The following CAP2 variants were observed in gnomAD, a reference collection of about 807,000 sequenced individuals.
CAP2 encodes the protein cyclase associated actin cytoskeleton regulatory protein 2, also known as adenylyl cyclase-associated protein 2.
A neutral mutation model predicts 57.7 loss-of-function variants in CAP2; 24 were observed. The ratio of observed to expected loss-of-function variants is 0.42; its 90% CI spans 0.30 to 0.58. The LOEUF (loss-of-function observed/expected upper bound fraction) is 0.58, where lower values mean the gene tolerates loss of function less well. CAP2 is among the 20% of genes least tolerant of loss of function. The pLI, the probability that CAP2 is intolerant of heterozygous loss-of-function variation, is 0.22. For missense variants in CAP2, 501 were observed against 590.3 expected (o/e 0.85, Z 1.57); for synonymous variants, 194 against 207.2 (o/e 0.94, Z 0.55).
chr6:17,399,753 C>A (rs942639945), intron 1 of CAP2, among the ~76,000 whole-genome samples: 7 of 152,168 alleles, frequency 4.6e-5, no homozygotes, highest in Admixed American at 2.6e-4. Flanking sequence ...AATGTAAAGG[C>A]CATTCTGCAA....
At chr6:17,481,705 A>T (rs1179930830) in intron 4 of CAP2, among the ~76,000 whole-genome samples, 3 of 152,174 alleles carry the variant, frequency 2.0e-5, no homozygotes, top group African/African-American at 7.2e-5. Flanking sequence ...CATATTTTTA[A>T]TTGGTCAATT....
rs138551557 is a variant in CAP2 at position 17,418,756 on chromosome 6, G to A, written c.-1-2799G>A. Among the ~76,000 whole-genome samples the A allele has an allele frequency of 3.0e-3, 462 of 152,250 alleles. 2 individuals carry two copies. Among genetic ancestry groups the A allele is most frequent in the African/African-American group, 0.01 (429 of 41,528 alleles). ...GAACATAGATAACTGTGAACAGATGGGCAACTATTAAAAGATTTGAGGGGC... is the reference window on the plus strand; with the variant it reads ...GAACATAGATAACTGTGAACAGATGAGCAACTATTAAAAGATTTGAGGGGC... On this transcript the variant is annotated intron_variant, in intron 1 of 12. Coordinates refer to ENST00000229922, the MANE Select transcript of CAP2 (RefSeq NM_006366.3).
rs577305733 is a variant in CAP2 at position 17,396,742 on chromosome 6, A to G, written c.-2+2996A>G. 5.1e-4 allele frequency among the ~76,000 whole-genome samples: 77 copies of G among 152,338 alleles called. No homozygotes were observed. The Middle Eastern group carries it at 0.017, about 34-fold the overall frequency. On this transcript the variant is annotated intron_variant, in intron 1 of 12. Coordinates refer to ENST00000229922, the MANE Select transcript of CAP2 (RefSeq NM_006366.3). ...ATATCCTCTAATCGACTATAGTGAT[A>G]GTCGCACGTATCTGTGAATATACTA...
At chr6:17,531,742 C>T (rs545270202) in intron 7 of CAP2, 2 of 600,284 alleles carry the variant, frequency 3.3e-6, no homozygotes, top group South Asian at 2.1e-5. Context: ...CGTCTATATA[C>T]ATTCCCCCCA....
chr6:17,510,040 A>G (rs1762105541), intron 6 of CAP2, among the ~76,000 whole-genome samples: 3 of 152,348 alleles, frequency 2.0e-5, no homozygotes, highest in Middle Eastern at 6.8e-3. Context: ...TCAAATCTAT[A>G]GAAAGAGAAA....
chr6:17,433,757 C>T (rs745703525), intron 3 of CAP2, among the ~76,000 whole-genome samples: 11 of 152,202 alleles, frequency 7.2e-5, no homozygotes, highest in African/African-American at 1.2e-4. Flanking sequence ...TTATTCTCAG[C>T]GTAGAACACA....
At chr6:17,442,442 G>A (rs1432842511) in intron 3 of CAP2, among the ~76,000 whole-genome samples, 1 of 152,160 alleles carries the variant, frequency 6.6e-6, no homozygotes. Flanking sequence ...GAATTTGTGA[G>A]CATGCCCAGG....
chr6:17,453,044 A>C lies in CAP2; in HGVS notation c.223-9952A>C, dbSNP rs914234017. ...TTTCTCCATCAACTACTTATAAATC[A>C]ACATTGGTTGGGTTTAACTTTTAAT... is the stretch of plus-strand genomic sequence containing the variant. On this transcript the variant is annotated intron_variant, in intron 3 of 12. Coordinates refer to ENST00000229922, the MANE Select transcript of CAP2 (RefSeq NM_006366.3). Among the ~76,000 whole-genome samples the C allele has an allele frequency of 2.6e-5, 4 of 152,360 alleles. No individual in the cohort carries two copies. In the South Asian group the frequency reaches 8.3e-4, roughly 32 times the overall value.
intron 4 of CAP2, among the ~76,000 whole-genome samples, chr6:17,475,256 C>T (rs1761124173): frequency 6.6e-6 from 1 of 151,006 alleles, no homozygotes; most frequent in Non-Finnish European, 1.5e-5. Flanking sequence ...GGGAAGGGAA[C>T]TGAGTGAAGG....
intron 4 of CAP2, among the ~76,000 whole-genome samples, chr6:17,484,169 G>A (rs1330330100): frequency 1.3e-5 from 2 of 151,942 alleles, no homozygotes; most frequent in African/African-American, 2.4e-5. Context: ...TTGGCAGACC[G>A]AAATCAAAGA....
At chr6:17,411,225 T>C (rs1419550232) in intron 1 of CAP2, among the ~76,000 whole-genome samples, 1 of 152,224 alleles carries the variant, frequency 6.6e-6, no homozygotes, top group Non-Finnish European at 1.5e-5. Flanking sequence ...TTGTTTCCAT[T>C]TTTTGGCTAT....
intron 12 of CAP2, among the ~76,000 whole-genome samples, chr6:17,552,836 GC>G (rs1392162309): frequency 6.6e-6 from 1 of 152,138 alleles, no homozygotes; most frequent in Non-Finnish European, 1.5e-5. Context: ...CGGTGTGACT[GC>G]TGCCACATTC....
intron 4 of CAP2, among the ~76,000 whole-genome samples, chr6:17,498,622 T>C (rs9477458): frequency 0.49 from 74,187 of 152,066 alleles, 18,767 homozygotes; most frequent in Admixed American, 0.56. Flanking sequence ...ATGATGATCC[T>C]GGGCCCCCAT....
At chr6:17,501,217 C>T (rs894242780) in intron 4 of CAP2, among the ~76,000 whole-genome samples, 5 of 152,090 alleles carry the variant, frequency 3.3e-5, no homozygotes, top group African/African-American at 7.2e-5. Context: ...TGGTTTGAAT[C>T]GCCATTACTT....
At position 17,463,062 on chromosome 6, in the gene CAP2, C is replaced by G. The variant is rs755630870; in HGVS notation, c.289C>G (p.Gln97Glu). ...AFLLMASQYQ[Q>E]PHENDVAALL... The stretch of plus-strand genomic sequence containing the variant: ...CCTTCTGATGGCCTCTCAGTACCAA[C>G]AACCCCACGAGGTAAGAGAGTGTCC... The change falls in exon 4 of 13, where the codon CAA (glutamine) becomes GAA (glutamate). Residue 97 changes from glutamine to glutamate, a missense_variant. Gln to Glu is a conservative substitution (Grantham distance 29, BLOSUM62 2). Transcript: ENST00000229922. 6.2e-7 allele frequency: 1 copy of G among 1,612,796 alleles called. No homozygotes were observed.
At chr6:17,406,413 T>TTTTTTTTTTTTTTTTTTTTTTTTTTG (rs1156614515) in intron 1 of CAP2, among the ~76,000 whole-genome samples, 5 of 144,342 alleles carry the variant, frequency 3.5e-5, no homozygotes, top group African/African-American at 1.4e-4. Flanking sequence ...TTTTTTTTTT[T>TTTTTTTTTTTTTTTTTTTTTTTTTTG]GAGGCAGTCT....
rs201421784 is a variant in CAP2, at chr6:17,421,654, G to A, written c.99G>A (p.Gly33=). ...AESHRPPGNC[G]EVNGVIAGVA... ...CCCACAGGCCCCCTGGGAACTGCGG[G>A]GAAGTCAATGGTGTCATTGCAGGTA... The change falls in exon 2 of 13, where the codon GGG becomes GGA. Residue 33 remains glycine, a synonymous_variant. Coordinates refer to ENST00000229922, the MANE Select transcript of CAP2 (RefSeq NM_006366.3). 17 of 1,614,200 alleles carry A rather than the reference G, an allele frequency of 1.1e-5. No homozygotes were observed. The East Asian group carries it at 3.6e-4, about 34-fold the overall frequency.
At chr6:17,483,301 C>T (rs1311709836) in intron 4 of CAP2, among the ~76,000 whole-genome samples, 1 of 152,198 alleles carries the variant, frequency 6.6e-6, no homozygotes, top group African/African-American at 2.4e-5. Context: ...GTGCAGGGTA[C>T]ATAGATAGCA....
At chr6:17,447,051 C>A (rs1760276577) in intron 3 of CAP2, among the ~76,000 whole-genome samples, 1 of 152,100 alleles carries the variant, frequency 6.6e-6, no homozygotes, top group African/African-American at 2.4e-5. Context: ...GAGGCAGAGT[C>A]TCCCTCTGTC....
Sources: allele counts gnomAD v4.1 joint callset (sites outside exome capture counted in the v4.1 genomes callset), GRCh38; gene constraint gnomAD v4.1.1; transcripts MANE v1.5; gene names NCBI Gene and HGNC (gene_info 2026-07-23, HGNC 2026-07-21).